The following PDGFRL variants were observed in gnomAD, a reference collection of about 807,000 sequenced individuals.
The protein encoded by PDGFRL is platelet derived growth factor receptor like, also known as platelet-derived growth factor receptor-like protein.
PDGFRL carries 46 observed loss-of-function variants against 37.2 expected under a neutral mutation model. The observed-to-expected ratio is 1.24, with a 90% confidence interval of 0.98 to 1.58. The LOEUF (loss-of-function observed/expected upper bound fraction) is 1.58. Among genes scored for constraint, PDGFRL ranks in the 40% most tolerant of loss-of-function variants. The probability of loss-of-function intolerance (pLI) is 0.00; values close to 1 mark genes in which losing one functional copy is unlikely to be tolerated. For synonymous variants in PDGFRL, 251 were observed against 184.3 expected, an observed-to-expected ratio of 1.36 and a Z score of -2.93; for missense variants, 692 against 467.6, an observed-to-expected ratio of 1.48 and a Z score of -4.43.
At chr8:17,576,770 T>C, upstream of PDGFRL, 1 of 756,632 alleles carries the variant, frequency 1.3e-6, no homozygotes, top group Non-Finnish European at 1.6e-6. Context: ...AGTGAGTGCA[T>C]GTGGGGGAGA....
chr8:17,625,683 T>G (rs1804719740), intron 3 of PDGFRL, among the ~76,000 whole-genome samples: 1 of 152,152 alleles, frequency 6.6e-6, no homozygotes, highest in Non-Finnish European at 1.5e-5. Context: ...AGAAGTAAAG[T>G]ATATATTATA....
At chr8:17,616,730 A>C (rs1285193561) in intron 2 of PDGFRL, among the ~76,000 whole-genome samples, 2 of 151,740 alleles carry the variant, frequency 1.3e-5, no homozygotes, top group Non-Finnish European at 2.9e-5. Context: ...TGTGTAGGAG[A>C]ACTCGGGAGC....
At chr8:17,616,300 T>A (rs2129742842) in intron 2 of PDGFRL, among the ~76,000 whole-genome samples, 1 of 152,276 alleles carries the variant, frequency 6.6e-6, no homozygotes, top group South Asian at 2.1e-4. Flanking sequence ...GTTCAAGCGA[T>A]TGTCCTGCGT....
chr8:17,577,114 C>T (rs1803600708), upstream of PDGFRL: 7 of 1,229,046 alleles, frequency 5.7e-6, no homozygotes, highest in Admixed American at 1.3e-4. Context: ...ACTTTTTCCC[C>T]CAAACCTTGT....
At chr8:17,591,742 C>T (rs900960568) in intron 2 of PDGFRL, among the ~76,000 whole-genome samples, 7 of 152,120 alleles carry the variant, frequency 4.6e-5, no homozygotes, top group African/African-American at 1.7e-4. Flanking sequence ...CATTGTGAAA[C>T]CCCATCTCTA....
At chr8:17,641,049 G>A (rs965378676) in intron 5 of PDGFRL, among the ~76,000 whole-genome samples, 1 of 152,076 alleles carries the variant, frequency 6.6e-6, no homozygotes, top group Non-Finnish European at 1.5e-5. Context: ...CACCAGGGAA[G>A]TGGGGGAAAG....
intron 2 of PDGFRL, among the ~76,000 whole-genome samples, chr8:17,592,863 G>A (rs1585303761): frequency 2.0e-5 from 3 of 151,798 alleles, no homozygotes; most frequent in East Asian, 1.9e-4. Flanking sequence ...CTCTATTAAT[G>A]TTTGACTGAC....
intron 2 of PDGFRL, among the ~76,000 whole-genome samples, chr8:17,609,834 AAATC>A (rs1393377150): frequency 1.3e-5 from 2 of 152,082 alleles, no homozygotes; most frequent in Non-Finnish European, 2.9e-5. Context: ...AAGTAAACTC[AAATC>A]AAGCCATATT....
chr8:17,583,444 C>G (rs960634749), intron 1 of PDGFRL, among the ~76,000 whole-genome samples: 1 of 152,178 alleles, frequency 6.6e-6, no homozygotes, highest in Admixed American at 6.5e-5. Context: ...AAGGAACTTG[C>G]CTCAAGCTCA....
chr8:17,617,408 G>C (rs1044633506), intron 2 of PDGFRL, among the ~76,000 whole-genome samples: 6 of 152,124 alleles, frequency 3.9e-5, no homozygotes, highest in African/African-American at 1.4e-4. Context: ...GTGTTCAGCG[G>C]TTACACAGAA....
At chr8:17,590,081 A>AT (rs1220929121) in intron 2 of PDGFRL, among the ~76,000 whole-genome samples, 3 of 151,140 alleles carry the variant, frequency 2.0e-5, no homozygotes, top group Non-Finnish European at 4.4e-5. Flanking sequence ...AATACAGAAA[A>AT]TTAGCTGGGC....
At chr8:17,636,556 AT>A (rs1804973426) in intron 5 of PDGFRL, among the ~76,000 whole-genome samples, 1 of 20,250 alleles carries the variant, frequency 4.9e-5, no homozygotes, top group African/African-American at 1.9e-4. Context: ...ATGCCTCTAG[AT>A]TTGTTTTTTT....
chr8:17,642,901 A>G lies in PDGFRL; in HGVS notation c.*100A>G. ...AGTGCTTTGCCAGAGGCTGATGTCA[A>G]GCACCACACCCCAACCCCAGCGTCT... On this transcript the variant is annotated 3_prime_UTR_variant, in exon 6 of 6. Coordinates refer to ENST00000251630, the MANE Select transcript of PDGFRL (RefSeq NM_001372073.1). 1.4e-6 allele frequency: 1 copy of G among 733,542 alleles called. No homozygotes were observed. Among genetic ancestry groups the G allele is most frequent in the Non-Finnish European group, 2.3e-6 (1 of 428,032 alleles). The allele number at this position is 733,542 out of a possible 1,614,324, so 45.4% of individuals were successfully genotyped here.
chr8:17,626,773 C>G (rs956816099), intron 3 of PDGFRL, among the ~76,000 whole-genome samples: 7 of 152,184 alleles, frequency 4.6e-5, no homozygotes, highest in Non-Finnish European at 7.3e-5. Context: ...AAAAATACCC[C>G]CAAAAGCCCA....
At chr8:17,592,906 C>T (rs763545024) in intron 2 of PDGFRL, among the ~76,000 whole-genome samples, 4 of 130,002 alleles carry the variant, frequency 3.1e-5, no homozygotes, top group Non-Finnish European at 6.4e-5. Flanking sequence ...CTTCTTAAAC[C>T]CACATACATG....
intron 2 of PDGFRL, among the ~76,000 whole-genome samples, chr8:17,603,642 A>G (rs1232020473): frequency 1.3e-5 from 2 of 152,190 alleles, no homozygotes; most frequent in East Asian, 3.8e-4. Context: ...CTGTTTTATC[A>G]TAAGCATCTA....
chr8:17,628,095 G>A (rs1804772116), intron 3 of PDGFRL, among the ~76,000 whole-genome samples: 1 of 143,784 alleles, frequency 7.0e-6, no homozygotes, highest in Non-Finnish European at 1.5e-5. Flanking sequence ...CCGGGTTCAC[G>A]CCATTTTCCT....
At chr8:17,592,920 A>G (rs942529362) in intron 2 of PDGFRL, among the ~76,000 whole-genome samples, 4 of 4,114 alleles carry the variant, frequency 9.7e-4, no homozygotes, top group South Asian at 0.012. Flanking sequence ...ATACATGCAC[A>G]CACACACACA....
intron 2 of PDGFRL, among the ~76,000 whole-genome samples, chr8:17,590,236 C>CAAAAAAAAAAAAAAAAAAAAAACAAAA (rs770779669): frequency 2.8e-5 from 1 of 35,606 alleles, no homozygotes; most frequent in African/African-American, 6.7e-5. Context: ...GACTCCATCT[C>CAAAAAAAAAAAAAAAAAAAAAACAAAA]AAAAAAAAAA....
Sources: gnomAD v4.1 joint callset for allele counts (sites outside exome capture counted in the v4.1 genomes callset) on GRCh38, gnomAD v4.1.1 for gene constraint, MANE v1.5 for transcripts, NCBI Gene and HGNC (gene_info 2026-07-23, HGNC 2026-07-21) for gene names.